The following ESR2 variants were observed in gnomAD, a reference collection of about 807,000 sequenced individuals.
ESR2 encodes estrogen receptor beta.
A neutral mutation model predicts 49.6 loss-of-function variants in ESR2; 36 were observed. The ratio of observed to expected loss-of-function variants is 0.73; its 90% CI spans 0.56 to 0.96. The LOEUF (loss-of-function observed/expected upper bound fraction) is 0.96, where lower values mean the gene tolerates loss of function less well. ESR2 is among the 40% of genes least tolerant of loss of function. ESR2 has a pLI of 0.00. For missense variants in ESR2, 714 were observed against 693.0 expected, an observed-to-expected ratio of 1.03 and a Z score of -0.34; for synonymous variants, 320 against 266.1, an observed-to-expected ratio of 1.20 and a Z score of -1.97.
chr14:64,260,492 G>C lies in ESR2; in HGVS notation c.909C>G (p.Asp303Glu). ...SMMMSLTKLADKELVHMISWA... is the reference protein window; with the variant it reads ...SMMMSLTKLAEKELVHMISWA... The stretch of plus-strand genomic sequence containing the variant: ...AGCTGATCATGTGTACCAACTCCTT[G>C]TCGGCCAACTTGGTCAGGGACATCA... The change falls in exon 5 of 9, where the codon GAC (aspartate) becomes GAG (glutamate). Residue 303 changes from aspartate to glutamate, a missense_variant. Transcript: ENST00000341099. The C allele has an allele frequency of 6.5e-7, 1 of 1,531,956 alleles. No homozygotes were observed. The highest frequency in any genetic ancestry group is 8.8e-7 in the Non-Finnish European group (1 of 1,140,302). The allele number at this position is 1,531,956 out of a possible 1,614,324, so 94.9% of individuals were successfully genotyped here.
At chr14:64,305,151 C>T (rs1163916182) in intron 1 of ESR2, among the ~76,000 whole-genome samples, 3 of 150,524 alleles carry the variant, frequency 2.0e-5, no homozygotes, top group African/African-American at 7.3e-5. Flanking sequence ...ATTAGCCGGG[C>T]GTGGTGGCGG....
intron 3 of ESR2, among the ~76,000 whole-genome samples, chr14:64,279,551 A>G (rs1395403443): frequency 6.6e-6 from 1 of 152,228 alleles, no homozygotes; most frequent in African/African-American, 2.4e-5. Context: ...CTGATTTCTG[A>G]CCATTTCCAA....
chr14:64,285,263 G>A (rs971750350), intron 1 of ESR2, among the ~76,000 whole-genome samples: 28 of 152,090 alleles, frequency 1.8e-4, no homozygotes, highest in African/African-American at 6.0e-4. Context: ...TTAAAACCCA[G>A]CTCTCTGCTT....
chr14:64,261,421 T>C, intron 4 of ESR2, among the ~76,000 whole-genome samples: 1 of 120,974 alleles, frequency 8.3e-6, no homozygotes, highest in South Asian at 2.7e-4. Flanking sequence ...TACACAAAAT[T>C]ATTTATTTAT....
At chr14:64,236,856 G>A (rs1170899444) in intron 7 of ESR2, among the ~76,000 whole-genome samples, 1 of 151,830 alleles carries the variant, frequency 6.6e-6, no homozygotes, top group Non-Finnish European at 1.5e-5. Context: ...GAGACACCAT[G>A]TTGCCCCACA....
At chr14:64,288,731 A>G (rs1397994599) in intron 1 of ESR2, among the ~76,000 whole-genome samples, 1 of 151,332 alleles carries the variant, frequency 6.6e-6, no homozygotes, top group Non-Finnish European at 1.5e-5. Flanking sequence ...TCATGCCTGT[A>G]ATCCCAGCAC....
chr14:64,280,424 C>T (rs938122600), intron 2 of ESR2, among the ~76,000 whole-genome samples: 13 of 152,128 alleles, frequency 8.5e-5, no homozygotes, highest in African/African-American at 2.7e-4. Flanking sequence ...TTGTCACTGC[C>T]GAAGACCAGT....
At position 64,249,680 on chromosome 14, in the gene ESR2, C is replaced by T. The variant is rs776592617; in HGVS notation, c.1092-1G>A. 1.9e-6 allele frequency: 3 copies of T among 1,603,502 alleles called. No homozygotes were observed. Among genetic ancestry groups the T allele is most frequent in the South Asian group, 1.1e-5 (1 of 89,624 alleles). ...TCCTTCTACGCATTTCCCCTCATCC[C>T]TACAAAAGTTCGTTTGGAAATTTAA... On this transcript the variant is annotated splice_acceptor_variant, in intron 6 of 8. Transcript: ENST00000341099. LOFTEE classifies it high-confidence loss of function.
At chr14:64,263,105 T>G (rs1016786148) in intron 4 of ESR2, among the ~76,000 whole-genome samples, 1 of 152,068 alleles carries the variant, frequency 6.6e-6, no homozygotes, top group Non-Finnish European at 1.5e-5. Flanking sequence ...AATACCAAAT[T>G]GACCATTTAA....
chr14:64,292,705 A>G (rs1596466743), intron 1 of ESR2, among the ~76,000 whole-genome samples: 1 of 152,300 alleles, frequency 6.6e-6, no homozygotes, highest in East Asian at 1.9e-4. Flanking sequence ...TTGAATTATT[A>G]TGTGTTCAAC....
chr14:64,263,375 G>C (rs913508796), intron 4 of ESR2, among the ~76,000 whole-genome samples: 1 of 152,012 alleles, frequency 6.6e-6, no homozygotes, highest in African/African-American at 2.4e-5. Context: ...AAACAACAAA[G>C]GCCAGGTGCG....
At chr14:64,276,211 G>A (rs983413081) in intron 3 of ESR2, among the ~76,000 whole-genome samples, 2 of 151,802 alleles carry the variant, frequency 1.3e-5, no homozygotes, top group African/African-American at 2.4e-5. Flanking sequence ...AGAGTCAAGT[G>A]GAAAAAATAT....
chr14:64,254,490 T>C (rs1477749179), intron 6 of ESR2, among the ~76,000 whole-genome samples: 3 of 151,738 alleles, frequency 2.0e-5, no homozygotes, highest in African/African-American at 7.3e-5. Flanking sequence ...CTCACGTCTG[T>C]AATCCCAACA....
chr14:64,252,799 T>C (rs1441560166), intron 6 of ESR2, among the ~76,000 whole-genome samples: 1 of 152,138 alleles, frequency 6.6e-6, no homozygotes, highest in Non-Finnish European at 1.5e-5. Flanking sequence ...GAGATTACAA[T>C]TTCAGATGAG....
chr14:64,268,857 C>T lies in ESR2; in HGVS notation c.590G>A (p.Arg197Gln), dbSNP rs539747077. 26 of 1,613,892 alleles carry T rather than the reference C, an allele frequency of 1.6e-5. No individual in the cohort carries two copies. In the South Asian group the frequency reaches 1.9e-4, roughly 12 times the overall value. Residue 197 changes from arginine to glutamine, a missense_variant, in exon 4 of 9, where the codon CGG (arginine) becomes CAG (glutamine). Transcript: ENST00000341099. ...ATNQCTIDKN[R>Q]RKSCQACRLR... ...TCGGCAGGCCTGGCAGCTCTTGCGCCGGTTTTTATCGATTGTACACTGATT... is the reference window on the plus strand; with the variant it reads ...TCGGCAGGCCTGGCAGCTCTTGCGCTGGTTTTTATCGATTGTACACTGATT...
chr14:64,277,943 A>C (rs529154215), intron 3 of ESR2, among the ~76,000 whole-genome samples: 29 of 150,264 alleles, frequency 1.9e-4, no homozygotes, highest in South Asian at 8.4e-4. Flanking sequence ...GGGGTCAAAG[A>C]TGTTTCAAGC....
chr14:64,284,745 G>C (rs2076754000), intron 1 of ESR2, among the ~76,000 whole-genome samples: 1 of 151,974 alleles, frequency 6.6e-6, no homozygotes, highest in Non-Finnish European at 1.5e-5. Context: ...TTCTCCCCTT[G>C]ACTCAGTTAA....
intron 5 of ESR2, among the ~76,000 whole-genome samples, chr14:64,259,336 AG>A (rs1239848491): frequency 6.6e-6 from 1 of 152,158 alleles, no homozygotes; most frequent in East Asian, 1.9e-4. Context: ...CTCTTCCCCC[AG>A]CTTCTCACCC....
rs550057970 is a variant in ESR2, at chr14:64,310,292, T to A, written c.-90-27217A>T. Among the ~76,000 whole-genome samples the A allele has an allele frequency of 8.5e-4, 109 of 128,794 alleles. 1 individual carries two copies. In the East Asian group the frequency reaches 0.011, roughly 13 times the overall value. 84.5% of individuals were successfully genotyped at this position (128,794 alleles called of 152,430 possible). A position where few individuals can be genotyped will look rare whatever the true frequency, so the allele number is the denominator to read the frequency against. On this transcript the variant is annotated intron_variant, in intron 1 of 8. Transcript: ENST00000358599. Reference sequence around the variant, plus strand: ...AGTAAGACGTCGTCTCAAAAAATAATAATAATAATAATAATAATAATAATA... The same window carrying A: ...AGTAAGACGTCGTCTCAAAAAATAAAAATAATAATAATAATAATAATAATA...
Sources: allele counts gnomAD v4.1 joint callset (sites outside exome capture counted in the v4.1 genomes callset), GRCh38; gene constraint gnomAD v4.1.1; transcripts MANE v1.5; gene names NCBI Gene and HGNC (gene_info 2026-07-23, HGNC 2026-07-21).